Variants in ULK4 observed in about 807,000 individuals in gnomAD.
ULK4 encodes inactive serine/threonine-protein kinase ULK4.
A neutral mutation model predicts 160.6 loss-of-function variants in ULK4; 133 were observed. The observed-to-expected ratio is 0.83, with a 90% CI of 0.72 to 0.96. The LOEUF (loss-of-function observed/expected upper bound fraction) is 0.96. Among genes scored for constraint, ULK4 ranks in the 40% least tolerant of loss-of-function variants. The pLI is 0.00. For missense variants in ULK4, 1,580 were observed against 1,499.5 expected (o/e 1.05, Z -0.89); for synonymous variants, 534 against 539.8 (o/e 0.99, Z 0.15).
At position 41,345,961 on chromosome 3, in the gene ULK4, A is replaced by G. The variant is rs368833398; in HGVS notation, c.3678+52118T>C. Among the ~76,000 whole-genome samples the G allele has an allele frequency of 4.6e-5, 7 of 151,886 alleles. No homozygotes were observed. The East Asian group carries it at 1.4e-3, about 29-fold the overall frequency. On this transcript the variant is annotated intron_variant, in intron 35 of 36. Coordinates refer to ENST00000301831, the MANE Select transcript of ULK4 (RefSeq NM_017886.4). ...ACAGGGGCTGGTGTTGGGAGATAAC[A>G]CTGTTCTAGGTAGAGGGAAGAGCCC...
chr3:41,946,533 TC>T (rs1327393240), intron 2 of ULK4, among the ~76,000 whole-genome samples: 1 of 152,110 alleles, frequency 6.6e-6, no homozygotes, highest in East Asian at 1.9e-4. Flanking sequence ...ACCCCAAAGA[TC>T]CCCTAATCAC....
rs377672394 is a variant in ULK4 at position 41,566,037 on chromosome 3, G to A, written c.3214C>T (p.Leu1072Phe). Residue 1072 changes from leucine to phenylalanine, a missense_variant, in exon 32 of 37, where the codon CTT becomes TTT. Coordinates refer to ENST00000301831, the MANE Select transcript of ULK4 (RefSeq NM_017886.4). ...VACKDSNMEL[L>F]YEQGLVSHIC... is the part of the protein sequence containing the mutation. The stretch of plus-strand genomic sequence containing the variant: ...ATGAGGCATTTACCTTGTTCATAAA[G>A]TAGTTCCATATTCGAATCTTTGCAG... 3 of 1,613,414 alleles carry A rather than the reference G, an allele frequency of 1.9e-6. No individual in the cohort carries two copies. Among genetic ancestry groups the A allele is most frequent in the Non-Finnish European group, 2.5e-6 (3 of 1,179,652 alleles).
chr3:41,733,891 C>T lies in ULK4; in HGVS notation c.2322-16030G>A, dbSNP rs527423790. Among the ~76,000 whole-genome samples, 260 of 152,046 alleles carry T rather than the reference C, an allele frequency of 1.7e-3. 1 individual carries two copies. The highest frequency in any genetic ancestry group is 3.1e-3 in the Non-Finnish European group (211 of 67,978). ...CTGTGATTACAGGCACCTGCCACCACGCCCAGCTAATTTTTTTGTATTTTT... is the reference window on the plus strand; with the variant it reads ...CTGTGATTACAGGCACCTGCCACCATGCCCAGCTAATTTTTTTGTATTTTT... On this transcript the variant is annotated intron_variant, in intron 22 of 36. Transcript: ENST00000301831.
intron 17 of ULK4, among the ~76,000 whole-genome samples, chr3:41,842,965 C>G (rs1416115053): frequency 7.2e-5 from 11 of 152,318 alleles, no homozygotes; most frequent in Admixed American, 3.3e-4. Context: ...AGCCATCAGG[C>G]ATCCATAGGA....
At chr3:41,877,636 C>T (rs1246594171) in intron 17 of ULK4, among the ~76,000 whole-genome samples, 2 of 151,956 alleles carry the variant, frequency 1.3e-5, no homozygotes, top group Non-Finnish European at 2.9e-5. Context: ...GGAATTTTAG[C>T]TTATGAGAAG....
chr3:41,789,918 T>C, intron 20 of ULK4, 75 bp from the exon 21 acceptor site: 1 of 1,328,702 alleles, frequency 7.5e-7, no homozygotes, highest in East Asian at 2.7e-5. Flanking sequence ...TAACACATGC[T>C]TCTGTGTCAA....
rs140660023 is a variant in ULK4 at position 41,852,550 on chromosome 3, G to C, written c.1657-16579C>G. On this transcript the variant is annotated intron_variant, in intron 17 of 36. Transcript: ENST00000301831. ...CTTTATAAAATGCATACTTAAATTTGCAAGACGTTAAGAAAACCTCAAAGA... is the reference window on the plus strand; with the variant it reads ...CTTTATAAAATGCATACTTAAATTTCCAAGACGTTAAGAAAACCTCAAAGA... 6.6e-3 allele frequency among the ~76,000 whole-genome samples: 1,000 copies of C among 151,996 alleles called. 9 individuals carry two copies. The highest frequency in any genetic ancestry group is 0.023 in the African/African-American group (966 of 41,476).
chr3:41,444,069 T>C lies in ULK4; in HGVS notation c.3492+11428A>G, dbSNP rs887759293. Among the ~76,000 whole-genome samples the C allele has an allele frequency of 4.6e-5, 7 of 152,280 alleles. No individual in the cohort carries two copies. The East Asian group carries it at 1.4e-3, about 29-fold the overall frequency. On this transcript the variant is annotated intron_variant, in intron 34 of 36. Transcript: ENST00000301831. Reference sequence around the variant, plus strand: ...TTACCTATGCATAAATTTCTATAAGTGGAATGACGACATTAAAAGGCATAA... The same window carrying C: ...TTACCTATGCATAAATTTCTATAAGCGGAATGACGACATTAAAAGGCATAA...
chr3:41,518,818 G>A (rs1022455404), intron 32 of ULK4, among the ~76,000 whole-genome samples: 8 of 152,116 alleles, frequency 5.3e-5, no homozygotes, highest in Non-Finnish European at 8.8e-5. Flanking sequence ...TTTCCTGAGC[G>A]TCAGCAGCCT....
At chr3:41,842,336 A>T (rs1259108594) in intron 17 of ULK4, among the ~76,000 whole-genome samples, 1 of 152,148 alleles carries the variant, frequency 6.6e-6, no homozygotes, top group Non-Finnish European at 1.5e-5. Context: ...AAATGGTTGC[A>T]ATTATTCTAC....
At chr3:41,872,528 A>G (rs958886776) in intron 17 of ULK4, among the ~76,000 whole-genome samples, 4 of 152,022 alleles carry the variant, frequency 2.6e-5, no homozygotes, top group Non-Finnish European at 5.9e-5. Context: ...TGAACTTAGC[A>G]CATCTGCAGA....
chr3:41,860,918 T>G (rs2125683849), intron 17 of ULK4, among the ~76,000 whole-genome samples: 1 of 152,292 alleles, frequency 6.6e-6, no homozygotes, highest in Non-Finnish European at 1.5e-5. Context: ...TTGTTTGTTT[T>G]TGGCTTGAGG....
chr3:41,253,251 G>A (rs1410251314), intron 35 of ULK4, among the ~76,000 whole-genome samples: 3 of 151,902 alleles, frequency 2.0e-5, no homozygotes, highest in African/African-American at 7.2e-5. Flanking sequence ...AATATAACAG[G>A]ATATTATCTT....
chr3:41,855,290 C>G, intron 17 of ULK4, among the ~76,000 whole-genome samples: 1 of 152,166 alleles, frequency 6.6e-6, no homozygotes, highest in East Asian at 1.9e-4. Flanking sequence ...ACAAACAAAA[C>G]CTGATGAATA....
intron 29 of ULK4, among the ~76,000 whole-genome samples, chr3:41,679,569 C>CT (rs1336408897): frequency 1.3e-5 from 2 of 152,208 alleles, no homozygotes; most frequent in Admixed American, 1.3e-4. Flanking sequence ...ACATTTTCCT[C>CT]TTTAATTCCT....
At chr3:41,270,416 G>T (rs66471436) in intron 35 of ULK4, among the ~76,000 whole-genome samples, 2,699 of 150,732 alleles carry the variant, frequency 0.018, 44 homozygotes, top group South Asian at 0.067. Flanking sequence ...CTGCACATTT[G>T]TGGGGTCTGG....
intron 32 of ULK4, among the ~76,000 whole-genome samples, chr3:41,552,498 C>T (rs2087111086): frequency 6.6e-6 from 1 of 151,488 alleles, no homozygotes; most frequent in Non-Finnish European, 1.5e-5. Flanking sequence ...GAAGGCAAAC[C>T]CATTTTCAAC....
chr3:41,745,380 A>T (rs2038386040), intron 22 of ULK4, among the ~76,000 whole-genome samples: 1 of 151,724 alleles, frequency 6.6e-6, no homozygotes, highest in African/African-American at 2.4e-5. Context: ...CTAGAAAAAA[A>T]ATTTAATAAC....
At chr3:41,293,609 C>T (rs2079614667) in intron 35 of ULK4, among the ~76,000 whole-genome samples, 1 of 152,174 alleles carries the variant, frequency 6.6e-6, no homozygotes, top group Non-Finnish European at 1.5e-5. Flanking sequence ...GGGTTGAAAT[C>T]CTATCTCCAC....
Sources: allele counts gnomAD v4.1 joint callset (sites outside exome capture counted in the v4.1 genomes callset), GRCh38; gene constraint gnomAD v4.1.1; transcripts MANE v1.5; gene names NCBI Gene and HGNC (gene_info 2026-07-23, HGNC 2026-07-21).